MGAT4C: variants seen among roughly 807,000 people sequenced by gnomAD.
MGAT4C encodes alpha-1,3-mannosyl-glycoprotein 4-beta-N-acetylglucosaminyltransferase C.
MGAT4C carries 19 observed loss-of-function variants against 40.1 expected under a neutral mutation model. That is an observed-to-expected ratio of 0.47 (90% CI 0.33 to 0.70). The LOEUF (loss-of-function observed/expected upper bound fraction) is 0.70. Among genes scored for constraint, MGAT4C ranks in the 30% least tolerant of loss-of-function variants. The pLI, the probability that MGAT4C is intolerant of heterozygous loss-of-function variation, is 0.02. For synonymous variants in MGAT4C, 181 were observed against 187.1 expected (o/e 0.97, Z 0.27); for missense variants, 491 against 563.2 (o/e 0.87, Z 1.30).
At chr12:86,766,858 C>T (rs1951519912) in intron 1 of MGAT4C, among the ~76,000 whole-genome samples, 1 of 151,908 alleles carries the variant, frequency 6.6e-6, no homozygotes, top group African/African-American at 2.4e-5. Flanking sequence ...CCCTGGGACA[C>T]ATTCAAAGCA....
intron 1 of MGAT4C, among the ~76,000 whole-genome samples, chr12:86,781,471 C>G (rs1951839453): frequency 6.6e-6 from 1 of 151,350 alleles, no homozygotes; most frequent in Non-Finnish European, 1.5e-5. Flanking sequence ...AACCACATCT[C>G]TTTTTAACTA....
intron 1 of MGAT4C, among the ~76,000 whole-genome samples, chr12:86,159,425 CT>C (rs34467579): frequency 0.64 from 94,948 of 147,712 alleles, 30,554 homozygotes; most frequent in South Asian, 0.71. Context: ...CAATTTGCTA[CT>C]TTTTTTTTTT....
At chr12:86,812,663 C>G (rs1952500570) in intron 1 of MGAT4C, among the ~76,000 whole-genome samples, 1 of 152,024 alleles carries the variant, frequency 6.6e-6, no homozygotes, top group East Asian at 1.9e-4. Context: ...AATAGCATTT[C>G]CTTTTCCATC....
intron 3 of MGAT4C, among the ~76,000 whole-genome samples, chr12:86,433,720 C>T (rs1430491312): frequency 6.6e-6 from 1 of 151,888 alleles, no homozygotes; most frequent in Non-Finnish European, 1.5e-5. Flanking sequence ...GGGAAAACGG[C>T]ATTGCTAAAG....
intron 2 of MGAT4C, among the ~76,000 whole-genome samples, chr12:86,662,243 T>G (rs1257919582): frequency 6.6e-6 from 1 of 152,194 alleles, no homozygotes; most frequent in Non-Finnish European, 1.5e-5. Context: ...GTCATTGTTT[T>G]ATACCGAATA....
chr12:86,529,249 T>C (rs1046638620), intron 2 of MGAT4C, among the ~76,000 whole-genome samples: 5 of 152,118 alleles, frequency 3.3e-5, no homozygotes, highest in African/African-American at 9.6e-5. Flanking sequence ...AAAGTTCATG[T>C]GTAATTGAAT....
At chr12:86,485,429 T>G (rs1958003585) in intron 2 of MGAT4C, among the ~76,000 whole-genome samples, 1 of 152,080 alleles carries the variant, frequency 6.6e-6, no homozygotes, top group Non-Finnish European at 1.5e-5. Context: ...ACTACAAGAA[T>G]TTCATAATAT....
chr12:86,703,291 A>T (rs1007507536), intron 2 of MGAT4C, among the ~76,000 whole-genome samples: 6 of 152,238 alleles, frequency 3.9e-5, no homozygotes, highest in Non-Finnish European at 7.3e-5. Flanking sequence ...GCAGGATTGG[A>T]GAGGATTGGT....
At chr12:86,339,881 C>A (rs1440675917) in intron 3 of MGAT4C, among the ~76,000 whole-genome samples, 2 of 152,116 alleles carry the variant, frequency 1.3e-5, no homozygotes, top group African/African-American at 2.4e-5. Flanking sequence ...AGATTGGTAG[C>A]TCTTTCTTAT....
At position 85,960,230 on chromosome 12, in the gene MGAT4C, CT is replaced by C. The variant is rs1347691223; in HGVS notation, c.*19058del. 1 of 152,010 alleles carries C rather than the reference CT, an allele frequency of 6.6e-6. No individual in the cohort carries two copies. Among genetic ancestry groups the C allele is most frequent in the Non-Finnish European group, 1.5e-5 (1 of 67,926 alleles). The allele number at this position is 152,010 out of a possible 1,614,324, so 9.4% of individuals were successfully genotyped here. On this transcript the variant is annotated 3_prime_UTR_variant, in exon 5 of 5. Transcript: ENST00000611864. ...ACTTGAAGAAATTTTCATCAAACGTCTTTGTCTTATCCCCTTGTTATACAGA... is the reference window on the plus strand; with the variant it reads ...ACTTGAAGAAATTTTCATCAAACGTCTTGTCTTATCCCCTTGTTATACAGA...
At chr12:86,741,215 T>C (rs2136130293) in intron 1 of MGAT4C, among the ~76,000 whole-genome samples, 1 of 151,284 alleles carries the variant, frequency 6.6e-6, no homozygotes, top group South Asian at 2.1e-4. Context: ...ACAGTACTGT[T>C]GACAATAGCA....
chr12:86,213,483 G>C (rs1444301022), intron 1 of MGAT4C, among the ~76,000 whole-genome samples: 2 of 151,904 alleles, frequency 1.3e-5, no homozygotes, highest in East Asian at 1.9e-4. Flanking sequence ...TAAACCTCAT[G>C]GTGAATAAAA....
intron 3 of MGAT4C, among the ~76,000 whole-genome samples, chr12:86,343,467 A>T (rs1219995365): frequency 1.3e-5 from 2 of 152,190 alleles, no homozygotes; most frequent in African/African-American, 4.8e-5. Flanking sequence ...TTTTTTTAAC[A>T]AAACCTATTG....
intron 2 of MGAT4C, among the ~76,000 whole-genome samples, chr12:86,521,617 C>T (rs1338151821): frequency 6.6e-6 from 1 of 151,500 alleles, no homozygotes; most frequent in African/African-American, 2.4e-5. Context: ...TTTTTCTAGT[C>T]TGTGAAGAGC....
At chr12:86,229,751 A>G (rs1395549215) in intron 1 of MGAT4C, among the ~76,000 whole-genome samples, 1 of 152,070 alleles carries the variant, frequency 6.6e-6, no homozygotes, top group Non-Finnish European at 1.5e-5. Context: ...ACAGTTAGGA[A>G]AAGCTTCATG....
At position 85,956,777 on chromosome 12, in the gene MGAT4C, G is replaced by A. The variant is rs1882817543; in HGVS notation, c.*22512C>T. On this transcript the variant is annotated 3_prime_UTR_variant, in exon 5 of 5. Coordinates refer to ENST00000611864, the MANE Select transcript of MGAT4C (RefSeq NM_001351288.2). ...ATGTGAAACAATATCAAAGACTAGA[G>A]AAACATAATTTATGACATGAGATTG... is the stretch of plus-strand genomic sequence containing the variant. 1 of 152,130 alleles carries A rather than the reference G, an allele frequency of 6.6e-6. No homozygotes were observed. Among genetic ancestry groups the A allele is most frequent in the Admixed American group, 6.6e-5 (1 of 15,264 alleles). The allele number at this position is 152,130 out of a possible 1,614,324, so 9.4% of individuals were successfully genotyped here. A position where few individuals can be genotyped will look rare whatever the true frequency, so the allele number is the denominator to read the frequency against.
intron 2 of MGAT4C, among the ~76,000 whole-genome samples, chr12:86,623,366 T>A (rs1327341733): frequency 6.6e-6 from 1 of 152,118 alleles, no homozygotes; most frequent in Non-Finnish European, 1.5e-5. Flanking sequence ...ATAGGTAACA[T>A]AAAGAATAGT....
At position 86,488,137 on chromosome 12, in the gene MGAT4C, AC is replaced by A. The variant is rs550133565; in HGVS notation, c.-228-52873del. ...AGTGGCTCATGCTTGTTATCTCAAC[AC>A]CTTTGGGAGGCTGAAGTGAGAGGAT... On this transcript the variant is annotated intron_variant, in intron 2 of 7. Transcript: ENST00000548651. 5.3e-5 allele frequency among the ~76,000 whole-genome samples: 8 copies of A among 151,798 alleles called. No homozygotes were observed. In the East Asian group the frequency reaches 1.4e-3, roughly 26 times the overall value.
intron 1 of MGAT4C, among the ~76,000 whole-genome samples, chr12:86,174,541 C>T (rs1418858625): frequency 2.6e-5 from 4 of 152,040 alleles, no homozygotes; most frequent in African/African-American, 7.2e-5. Context: ...TTGACTTGTG[C>T]CCCTCTTCCT....
Sources: allele counts gnomAD v4.1 joint callset (sites outside exome capture counted in the v4.1 genomes callset), GRCh38; gene constraint gnomAD v4.1.1; transcripts MANE v1.5; gene names NCBI Gene and HGNC (gene_info 2026-07-23, HGNC 2026-07-21).